STX7: variants seen among roughly 807,000 people sequenced by gnomAD.
The protein encoded by STX7 is syntaxin-7.
STX7 carries 34 observed loss-of-function variants against 39.6 expected under a neutral mutation model. That is an observed-to-expected ratio of 0.86 (90% confidence interval 0.65 to 1.14). The LOEUF (loss-of-function observed/expected upper bound fraction) is 1.14, where lower values mean the gene tolerates loss of function less well. Among genes scored for constraint, STX7 ranks in the 50% most tolerant of loss-of-function variants. The probability of loss-of-function intolerance (pLI) is 0.00; values close to 1 mark genes in which losing one functional copy is unlikely to be tolerated. For missense variants in STX7, 284 were observed against 310.4 expected, an observed-to-expected ratio of 0.92 and a Z score of 0.64; for synonymous variants, 119 against 99.1, an observed-to-expected ratio of 1.20 and a Z score of -1.19.
intron 8 of STX7, 58 bp downstream of exon 8, chr6:132,468,345 G>A: frequency 2.3e-6 from 3 of 1,297,916 alleles, no homozygotes; most frequent in Non-Finnish European, 3.3e-6. Context: ...GAAAGTTACA[G>A]CAGGTAAAGT....
intron 2 of STX7, among the ~76,000 whole-genome samples, chr6:132,499,094 T>TA (rs1775488400): frequency 6.6e-6 from 1 of 152,258 alleles, no homozygotes; most frequent in African/African-American, 2.4e-5. Context: ...GCCTCACCTC[T>TA]ATACGGTGGA....
intron 5 of STX7, 103 bp downstream of exon 5, chr6:132,471,360 T>G: frequency 7.8e-7 from 1 of 1,279,212 alleles, no homozygotes; most frequent in Non-Finnish European, 1.1e-6. Context: ...TTCCAAGATA[T>G]TCACAGATCT....
chr6:132,512,024 A>G lies in STX7; in HGVS notation c.-59+983T>C, dbSNP rs569230653. Among the ~76,000 whole-genome samples, 4 of 152,266 alleles carry G rather than the reference A, an allele frequency of 2.6e-5. No homozygotes were observed. In the East Asian group the frequency reaches 5.8e-4, roughly 22 times the overall value. ...TTAACTAGTCACGAGTCTGAGGCCA[A>G]CTTCTCAAAGTAGCCTATAAGGCCT... On this transcript the variant is annotated intron_variant, in intron 1 of 9. Coordinates refer to ENST00000367941, the MANE Select transcript of STX7 (RefSeq NM_003569.3).
rs1774180626 is a variant in STX7 at position 132,453,512 on chromosome 6, T to C, written c.*7246A>G. 6.6e-6 allele frequency: 1 copy of C among 151,242 alleles called. No individual in the cohort carries two copies. Among genetic ancestry groups the C allele is most frequent in the Admixed American group, 6.6e-5 (1 of 15,156 alleles). 9.4% of individuals were successfully genotyped at this position (151,242 alleles called of 1,614,324 possible). On this transcript the variant is annotated 3_prime_UTR_variant, in exon 10 of 10. Coordinates refer to ENST00000367941, the MANE Select transcript of STX7 (RefSeq NM_003569.3). ...GCAAATCACACATCCAACAAAGGAC[T>C]AGTATCTAGAAAAAAATACACACAC... is the stretch of plus-strand genomic sequence containing the variant.
chr6:132,494,649 C>T (rs1361482116), intron 2 of STX7, among the ~76,000 whole-genome samples: 1 of 152,144 alleles, frequency 6.6e-6, no homozygotes, highest in East Asian at 1.9e-4. Flanking sequence ...GAAAGAAGAT[C>T]TACCTGGTGG....
chr6:132,470,027 T>G lies in STX7; in HGVS notation c.461A>C (p.Gln154Pro), dbSNP rs775932086. 1 of 1,586,312 alleles carries G rather than the reference T, an allele frequency of 6.3e-7. No individual in the cohort carries two copies. Among genetic ancestry groups the G allele is most frequent in the Non-Finnish European group, 8.5e-7 (1 of 1,171,700 alleles). Residue 154 changes from glutamine (Q) to proline (P), a missense_variant, in exon 7 of 10, where the codon CAG becomes CCG. Physicochemically the swap from Gln to Pro is moderately conservative, Grantham distance 76. Coordinates refer to ENST00000367941, the MANE Select transcript of STX7 (RefSeq NM_003569.3). The stretch of plus-strand genomic sequence containing the variant: ...CTCTGTAATTTCTTCATCCTGCACC[T>G]GCACTTGAGGTTGAGTTTGGCTAAC... ...SWESQTQPQV[Q>P]VQDEEITEDD...
rs539190415 is a variant in STX7 at position 132,457,457 on chromosome 6, A to T, written c.*3301T>A. ...TAAATACTCAGAAAAAAATGGTTTTATCTTAATTGATTTATAAATTATGTT... is the reference window on the plus strand; with the variant it reads ...TAAATACTCAGAAAAAAATGGTTTTTTCTTAATTGATTTATAAATTATGTT... On this transcript the variant is annotated 3_prime_UTR_variant, in exon 10 of 10. Coordinates refer to ENST00000367941, the MANE Select transcript of STX7 (RefSeq NM_003569.3). The T allele has an allele frequency of 2.0e-5, 3 of 152,364 alleles. No homozygotes were observed. The South Asian group carries it at 6.2e-4, about 32-fold the overall frequency. 9.4% of individuals were successfully genotyped at this position (152,364 alleles called of 1,614,324 possible).
chr6:132,475,332 C>T, intron 3 of STX7: 1 of 227,794 alleles, frequency 4.4e-6, no homozygotes, highest in Non-Finnish European at 8.5e-6. Context: ...CCATATTGGC[C>T]AGGTTGGTCT....
At chr6:132,506,150 A>T (rs2114481419) in intron 1 of STX7, among the ~76,000 whole-genome samples, 1 of 152,282 alleles carries the variant, frequency 6.6e-6, no homozygotes. Context: ...AAATACTAAA[A>T]GAAAATATAG....
chr6:132,503,602 A>C lies in STX7; in HGVS notation c.-58-14T>G. On this transcript the variant is annotated splice_polypyrimidine_tract_variant and intron_variant, in intron 1 of 9. Transcript: ENST00000367941. ...CTAAGCAGTCACCTAAATAATATAA[A>C]AGTCACACAGATATATTTTTTAAGT... The C allele has an allele frequency of 8.5e-7, 1 of 1,175,576 alleles. No individual in the cohort carries two copies. Among genetic ancestry groups the C allele is most frequent in the Non-Finnish European group, 1.2e-6 (1 of 801,416 alleles). 72.8% of individuals were successfully genotyped at this position (1,175,576 alleles called of 1,614,324 possible).
rs1231086106 is a variant in STX7, at chr6:132,452,377, C to T, written c.*8381G>A. 1 of 151,768 alleles carries T rather than the reference C, an allele frequency of 6.6e-6. No homozygotes were observed. The highest frequency in any genetic ancestry group is 1.5e-5 in the Non-Finnish European group (1 of 67,930). The allele number at this position is 151,768 out of a possible 1,614,324, so 9.4% of individuals were successfully genotyped here. ...CTTTTATTTCTGCTGGAATTTCTAC[C>T]CACTGCATTAAGGGACTGAAAGGAA... On this transcript the variant is annotated 3_prime_UTR_variant, in exon 10 of 10. Coordinates refer to ENST00000367941, the MANE Select transcript of STX7 (RefSeq NM_003569.3).
intron 9 of STX7, 31 bp from the exon 10 acceptor site, chr6:132,460,881 A>G: frequency 6.3e-7 from 1 of 1,591,894 alleles, no homozygotes; most frequent in Non-Finnish European, 8.6e-7. Context: ...ACAAAACAAA[A>G]AAACATGTTT....
chr6:132,472,933 G>C (rs1416521606), intron 3 of STX7, among the ~76,000 whole-genome samples: 1 of 152,132 alleles, frequency 6.6e-6, no homozygotes, highest in Admixed American at 6.5e-5. Context: ...CGAGGCAGGC[G>C]GATCACTTGA....
In STX7 at chr6:132,472,298, G is replaced by A. The variant is rs754646108; in HGVS notation, c.233C>T (p.Thr78Ile). ...KYIKEFGSLP[T>I]TPSEQRQRKI... ...GCTTGATACCTGTTCACTGGGGGTG[G>A]TGGGCAGAGATCCAAACTCTTTAAT... The change falls in exon 4 of 10, where the codon ACC becomes ATC. Residue 78 changes from threonine to isoleucine, a missense_variant. Physicochemically the swap from Thr to Ile is moderately conservative, Grantham distance 89. Coordinates refer to ENST00000367941, the MANE Select transcript of STX7 (RefSeq NM_003569.3). 1.2e-6 allele frequency: 2 copies of A among 1,612,932 alleles called. No homozygotes were observed. Among genetic ancestry groups the A allele is most frequent in the East Asian group, 4.5e-5 (2 of 44,802 alleles).
In STX7 at chr6:132,471,600, G is replaced by T. The variant is rs758050027; in HGVS notation, c.250C>A (p.Arg84Ser). ...GSLPTTPSEQ[R>S]QRKIQKDRLV... is the part of the protein sequence containing the mutation. The stretch of plus-strand genomic sequence containing the variant: ...CGATCCTTCTGTATTTTCCTTTGAC[G>T]CTAGAGGAAAGAGAAGAAAAAGCCA... Residue 84 changes from arginine to serine, a missense_variant and splice_region_variant, in exon 5 of 10, where the codon CGT (arginine) becomes AGT (serine). Coordinates refer to ENST00000367941, the MANE Select transcript of STX7 (RefSeq NM_003569.3). The T allele has an allele frequency of 6.2e-7, 1 of 1,608,396 alleles. No individual in the cohort carries two copies. The highest frequency in any genetic ancestry group is 8.5e-7 in the Non-Finnish European group (1 of 1,178,362).
intron 2 of STX7, among the ~76,000 whole-genome samples, chr6:132,495,473 A>C (rs1242152569): frequency 1.3e-5 from 2 of 152,212 alleles, no homozygotes; most frequent in African/African-American, 4.8e-5. Context: ...GGAGGAGGGA[A>C]GCAACAATTT....
In STX7 at chr6:132,451,859, G is replaced by T. The variant is rs568628465; in HGVS notation, c.*8899C>A. The T allele has an allele frequency of 6.6e-6, 1 of 152,242 alleles. No individual in the cohort carries two copies. Among genetic ancestry groups the T allele is most frequent in the East Asian group, 1.9e-4 (1 of 5,190 alleles). The allele number at this position is 152,242 out of a possible 1,614,324, so 9.4% of individuals were successfully genotyped here. On this transcript the variant is annotated 3_prime_UTR_variant, in exon 10 of 10. Coordinates refer to ENST00000367941, the MANE Select transcript of STX7 (RefSeq NM_003569.3). Reference sequence around the variant, plus strand: ...AGTTCTATCAAATGTTTTAAAAAGCGCTGACACCAATTCTATACAATCCGC... The same window carrying T: ...AGTTCTATCAAATGTTTTAAAAAGCTCTGACACCAATTCTATACAATCCGC...
At position 132,449,522 on chromosome 6, in the gene STX7, C is replaced by A. The variant is rs1233516898; in HGVS notation, c.*11236G>T. On this transcript the variant is annotated 3_prime_UTR_variant, in exon 10 of 10. Coordinates refer to ENST00000367941, the MANE Select transcript of STX7 (RefSeq NM_003569.3). ...TAGACTCCAATCAGCACATATTAAA[C>A]CTTCCCATTCTATCCTTCAGGTCTC... 6.6e-6 allele frequency: 1 copy of A among 152,042 alleles called. No individual in the cohort carries two copies. The highest frequency in any genetic ancestry group is 1.5e-5 in the Non-Finnish European group (1 of 67,992). 9.4% of individuals were successfully genotyped at this position (152,042 alleles called of 1,614,324 possible). A position where few individuals can be genotyped will look rare whatever the true frequency, so the allele number is the denominator to read the frequency against.
intron 2 of STX7, among the ~76,000 whole-genome samples, chr6:132,502,755 C>A (rs186514614): frequency 8.5e-5 from 13 of 152,110 alleles, no homozygotes; most frequent in African/African-American, 3.1e-4. Flanking sequence ...AAAAATTAGC[C>A]GGGCGTGGTG....
Sources: allele counts gnomAD v4.1 joint callset (sites outside exome capture counted in the v4.1 genomes callset), GRCh38; gene constraint gnomAD v4.1.1; transcripts MANE v1.5; gene names NCBI Gene and HGNC (gene_info 2026-07-23, HGNC 2026-07-21).